Variants in COPG2 observed in about 807,000 individuals in gnomAD.
The protein encoded by COPG2 is coatomer subunit gamma-2.
In COPG2, 37 loss-of-function variants were observed where a neutral mutation model predicts 46.3. That is an observed-to-expected ratio of 0.80 (90% confidence interval 0.61 to 1.05). The LOEUF (loss-of-function observed/expected upper bound fraction) is 1.05, where lower values mean the gene tolerates loss of function less well. Ranked by LOEUF, COPG2 falls within the 50% of genes least tolerant of loss-of-function variation. COPG2 has a pLI of 0.00. For synonymous variants in COPG2, 159 were observed against 129.7 expected (o/e 1.23, Z -1.53); for missense variants, 427 against 387.8 (o/e 1.10, Z -0.85).
At chr7:130,606,567 C>T (rs1324501846) in intron 9 of COPG2, among the ~76,000 whole-genome samples, 2 of 152,140 alleles carry the variant, frequency 1.3e-5, no homozygotes, top group African/African-American at 4.8e-5. Context: ...ATTTGTGAAG[C>T]AGAACTTGTA....
chr7:130,546,428 A>G (rs1337288292), intron 20 of COPG2, among the ~76,000 whole-genome samples: 2 of 152,214 alleles, frequency 1.3e-5, no homozygotes, highest in Admixed American at 1.3e-4. Flanking sequence ...AAACCTCACA[A>G]AGGGATAAAG....
chr7:130,548,368 C>T, intron 19 of COPG2, 35 bp downstream of exon 19: 2 of 398,444 alleles, frequency 5.0e-6, no homozygotes, highest in Non-Finnish European at 8.9e-6. Context: ...CCAGTTTATA[C>T]TAAATCTCTA....
intron 5 of COPG2, among the ~76,000 whole-genome samples, chr7:130,625,838 T>G (rs1319776310): frequency 1.3e-5 from 2 of 152,192 alleles, no homozygotes; most frequent in Non-Finnish European, 2.9e-5. Context: ...ATTACTTTGT[T>G]GTTCTTTACC....
At chr7:130,610,903 T>C in intron 9 of COPG2, 50 bp downstream of exon 9, 1 of 1,589,580 alleles carries the variant, frequency 6.3e-7, no homozygotes, top group Non-Finnish European at 8.6e-7. Context: ...CTCTAAGGTA[T>C]ATTAACTTCG....
intron 9 of COPG2, among the ~76,000 whole-genome samples, chr7:130,602,150 A>G (rs1173843906): frequency 1.3e-5 from 2 of 152,192 alleles, no homozygotes; most frequent in Non-Finnish European, 2.9e-5. Context: ...TAAGCTGTGA[A>G]TTTTTGGTCC....
chr7:130,592,395 C>CAAAAAAAAAAA (rs1187335882), intron 9 of COPG2, among the ~76,000 whole-genome samples: 2 of 74,974 alleles, frequency 2.7e-5, no homozygotes, highest in Non-Finnish European at 6.2e-5. Context: ...CAAGAATGAT[C>CAAAAAAAAAAA]AAAAAAAAAA....
chr7:130,631,883 G>GA (rs1378965137), intron 5 of COPG2, among the ~76,000 whole-genome samples: 2 of 151,938 alleles, frequency 1.3e-5, no homozygotes, highest in African/African-American at 4.8e-5. Flanking sequence ...TCATCCTGGT[G>GA]AAAAAAATCC....
intron 20 of COPG2, among the ~76,000 whole-genome samples, chr7:130,531,618 T>C (rs1799826205): frequency 6.6e-6 from 1 of 152,040 alleles, no homozygotes. Context: ...TATGTTGTAT[T>C]TCAGAGAGAA....
At position 130,554,463 on chromosome 7, in the gene COPG2, A is replaced by G. The variant is rs1250322877; in HGVS notation, c.1468+18T>C. On this transcript the variant is annotated intron_variant, in intron 14 of 23. Transcript: ENST00000425248. The stretch of plus-strand genomic sequence containing the variant: ...TCAAAAGATCAGCATCGTCAATATC[A>G]GTGTCCCAATGACTCACCAGCTCTG... The G allele has an allele frequency of 5.0e-6, 2 of 398,542 alleles. No individual in the cohort carries two copies. The highest frequency in any genetic ancestry group is 4.4e-6 in the Non-Finnish European group (1 of 225,998). 24.7% of individuals were successfully genotyped at this position (398,542 alleles called of 1,614,324 possible). A position where few individuals can be genotyped will look rare whatever the true frequency, so the allele number is the denominator to read the frequency against.
At chr7:130,618,100 C>CAAAAA (rs10695449) in intron 5 of COPG2, among the ~76,000 whole-genome samples, 11,031 of 64,374 alleles carry the variant, frequency 0.17, 2,111 homozygotes, top group African/African-American at 0.41. Flanking sequence ...GACCCTGTCT[C>CAAAAA]AAAAAAAAAA....
chr7:130,645,213 C>T (rs1305439485), intron 5 of COPG2: 1 of 701,432 alleles, frequency 1.4e-6, no homozygotes, highest in Admixed American at 1.8e-5. Context: ...CCAGAATGAG[C>T]TACTCGGCTG....
At chr7:130,625,473 C>G (rs1554454124) in intron 5 of COPG2, among the ~76,000 whole-genome samples, 1 of 151,646 alleles carries the variant, frequency 6.6e-6, no homozygotes, top group African/African-American at 2.4e-5. Flanking sequence ...GCTGTGGTTC[C>G]TGATCTTAGT....
intron 20 of COPG2, among the ~76,000 whole-genome samples, chr7:130,542,329 G>A (rs1323611972): frequency 6.6e-6 from 1 of 151,510 alleles, no homozygotes; most frequent in Non-Finnish European, 1.5e-5. Context: ...TGGAAACATT[G>A]AGGACCGTGT....
intron 9 of COPG2, among the ~76,000 whole-genome samples, chr7:130,581,999 T>G (rs180714995): frequency 6.6e-6 from 1 of 151,524 alleles, no homozygotes; most frequent in Non-Finnish European, 1.5e-5. Flanking sequence ...AAAAACTACT[T>G]TAAAGTTCAT....
intron 7 of COPG2, 82 bp downstream of exon 7, chr7:130,613,462 T>G: frequency 6.1e-6 from 5 of 822,754 alleles, no homozygotes; most frequent in African/African-American, 1.7e-5. Context: ...GTTTCATTTG[T>G]GAGACAATCA....
intron 9 of COPG2, among the ~76,000 whole-genome samples, chr7:130,590,263 G>GTCTCCCTCTCCCTCTCCCCACGT (rs1794368911): frequency 6.7e-6 from 1 of 150,238 alleles, no homozygotes; most frequent in Non-Finnish European, 1.5e-5. Flanking sequence ...TCTCCCCACG[G>GTCTCCCTCTCCCTCTCCCCACGT]TCTCCCTCTC....
At chr7:130,563,386 T>C (rs916481897) in intron 10 of COPG2, 50 bp from the exon 11 acceptor site, 17 of 394,942 alleles carry the variant, frequency 4.3e-5, no homozygotes, top group African/African-American at 3.5e-4. Flanking sequence ...ATATTACATA[T>C]ACATACCGTG....
At chr7:130,540,497 T>C (rs940159424) in intron 20 of COPG2, among the ~76,000 whole-genome samples, 1 of 151,940 alleles carries the variant, frequency 6.6e-6, no homozygotes, top group Non-Finnish European at 1.5e-5. Context: ...AAGAGTCCTA[T>C]CAGGTGGGAG....
intron 5 of COPG2, among the ~76,000 whole-genome samples, chr7:130,636,043 T>C (rs9656392): frequency 0.64 from 97,171 of 152,084 alleles, 33,828 homozygotes; most frequent in Non-Finnish European, 0.78. Context: ...TGAATTCTAA[T>C]TGGATTGCAC....
Sources: allele counts gnomAD v4.1 joint callset (sites outside exome capture counted in the v4.1 genomes callset), GRCh38; gene constraint gnomAD v4.1.1; transcripts MANE v1.5; gene names NCBI Gene and HGNC (gene_info 2026-07-23, HGNC 2026-07-21).